The following TMOD2 variants were observed in gnomAD, a reference collection of about 807,000 sequenced individuals.
TMOD2 encodes the protein tropomodulin-2.
Under a neutral mutation model 39.9 loss-of-function variants are expected in TMOD2, and 22 were observed. The ratio of observed to expected loss-of-function variants is 0.55; its 90% CI spans 0.39 to 0.79. TMOD2 has a LOEUF of 0.79. Ranked by LOEUF, TMOD2 falls within the 30% of genes least tolerant of loss-of-function variation. The pLI, the probability that TMOD2 is intolerant of heterozygous loss-of-function variation, is 0.00. For missense variants in TMOD2, 386 were observed against 413.3 expected, an observed-to-expected ratio of 0.93 and a Z score of 0.57; for synonymous variants, 123 against 146.1, an observed-to-expected ratio of 0.84 and a Z score of 1.14.
chr15:51,792,792 C>T (rs1236416842), intron 7 of TMOD2, among the ~76,000 whole-genome samples: 2 of 152,144 alleles, frequency 1.3e-5, no homozygotes, highest in Non-Finnish European at 2.9e-5. Flanking sequence ...CATGTTCTCA[C>T]TCATAAGTGG....
chr15:51,754,521 C>G (rs2055729223), intron 1 of TMOD2, among the ~76,000 whole-genome samples: 1 of 152,168 alleles, frequency 6.6e-6, no homozygotes, highest in Admixed American at 6.5e-5. Context: ...CACGGAATCC[C>G]TTGCTGCAAA....
chr15:51,814,805 A>G lies in TMOD2; in HGVS notation c.*6351A>G, dbSNP rs943644982. On this transcript the variant is annotated 3_prime_UTR_variant, in exon 10 of 10. Transcript: ENST00000249700. ...TAAATCGTTTCCGTTGCCTCTGAAC[A>G]TGGGTGAGTAATGCCTCCACTGCAG... 1.3e-5 allele frequency: 2 copies of G among 152,194 alleles called. No individual in the cohort carries two copies. Among genetic ancestry groups the G allele is most frequent in the Non-Finnish European group, 2.9e-5 (2 of 68,052 alleles). The allele number at this position is 152,194 out of a possible 1,614,324, so 9.4% of individuals were successfully genotyped here. A position where few individuals can be genotyped will look rare whatever the true frequency, so the allele number is the denominator to read the frequency against.
At chr15:51,760,206 TAAAAC>T (rs2055771265) in intron 1 of TMOD2, among the ~76,000 whole-genome samples, 1 of 152,240 alleles carries the variant, frequency 6.6e-6, no homozygotes, top group South Asian at 2.1e-4. Context: ...TCCAGTGGCT[TAAAAC>T]AATACAAACT....
At chr15:51,790,683 T>C (rs1227331001) in intron 7 of TMOD2, among the ~76,000 whole-genome samples, 2 of 152,182 alleles carry the variant, frequency 1.3e-5, no homozygotes, top group Non-Finnish European at 1.5e-5. Context: ...ATCCCTGGGA[T>C]GCAAGGGTGG....
At chr15:51,785,050 C>T (rs1374228481) in intron 7 of TMOD2, 1 of 152,220 alleles carries the variant, frequency 6.6e-6, no homozygotes, top group Non-Finnish European at 1.5e-5. Flanking sequence ...AAGCACTACA[C>T]TAGGAGCTGG....
At chr15:51,790,357 A>G (rs184526234) in intron 7 of TMOD2, among the ~76,000 whole-genome samples, 139 of 152,306 alleles carry the variant, frequency 9.1e-4, no homozygotes, top group African/African-American at 3.2e-3. Flanking sequence ...AATTGAGGTA[A>G]TAATTAATAG....
At chr15:51,763,293 A>G (rs1314133896) in intron 1 of TMOD2, among the ~76,000 whole-genome samples, 1 of 152,210 alleles carries the variant, frequency 6.6e-6, no homozygotes, top group African/African-American at 2.4e-5. Flanking sequence ...ATTTTTGGCA[A>G]TTACAAATAA....
chr15:51,791,895 C>CA (rs1328255436), intron 7 of TMOD2, among the ~76,000 whole-genome samples: 3 of 152,076 alleles, frequency 2.0e-5, no homozygotes, highest in Non-Finnish European at 2.9e-5. Flanking sequence ...CCTAGGACCA[C>CA]AAAAATCCTA....
intron 5 of TMOD2, among the ~76,000 whole-genome samples, chr15:51,779,596 G>C (rs1298675436): frequency 1.3e-5 from 2 of 152,076 alleles, no homozygotes; most frequent in East Asian, 3.9e-4. Context: ...TGTTAGCCAG[G>C]ATGGTCTCGA....
intron 2 of TMOD2, 74 bp from the exon 3 acceptor site, chr15:51,768,188 G>A (rs1244347059): frequency 1.9e-6 from 3 of 1,542,960 alleles, no homozygotes; most frequent in East Asian, 2.3e-5. Flanking sequence ...CATAGTGAGT[G>A]GGGGTGGAAG....
chr15:51,780,457 G>A (rs1372117088), intron 5 of TMOD2, among the ~76,000 whole-genome samples: 1 of 152,058 alleles, frequency 6.6e-6, no homozygotes, highest in Non-Finnish European at 1.5e-5. Flanking sequence ...ATTTTTAATT[G>A]GGTCACCTTA....
At chr15:51,762,059 G>C (rs2055784589) in intron 1 of TMOD2, among the ~76,000 whole-genome samples, 2 of 151,604 alleles carry the variant, frequency 1.3e-5, no homozygotes, top group Admixed American at 6.6e-5. Context: ...TGAGGCAGGA[G>C]AATGGCATGA....
chr15:51,782,038 C>T (rs1461639716), intron 6 of TMOD2, among the ~76,000 whole-genome samples: 2 of 152,162 alleles, frequency 1.3e-5, no homozygotes, highest in African/African-American at 2.4e-5. Flanking sequence ...GCAGCCAGGA[C>T]TCTTCTCCAC....
intron 9 of TMOD2, 22 bp downstream of exon 9, chr15:51,806,543 C>T: frequency 6.2e-7 from 1 of 1,613,648 alleles, no homozygotes; most frequent in Non-Finnish European, 8.5e-7. Context: ...ATAATATTTG[C>T]TGTTAACAAT....
chr15:51,752,119 G>T (rs1003422898), intron 1 of TMOD2, among the ~76,000 whole-genome samples: 8 of 152,194 alleles, frequency 5.3e-5, no homozygotes, highest in South Asian at 2.1e-4. Context: ...TCCTGGAGCG[G>T]TATGCATCTC....
chr15:51,763,283 ATT>A (rs2055794237), intron 1 of TMOD2, among the ~76,000 whole-genome samples: 1 of 152,188 alleles, frequency 6.6e-6, no homozygotes, highest in Non-Finnish European at 1.5e-5. Flanking sequence ...ATTGTTTTCA[ATT>A]TTTGGCAATT....
intron 9 of TMOD2, among the ~76,000 whole-genome samples, 197 bp from the exon 10 acceptor site, chr15:51,808,223 A>C (rs2554314): frequency 0.61 from 92,820 of 151,898 alleles, 28,487 homozygotes; most frequent in South Asian, 0.69. Context: ...TCAGACATAT[A>C]TGTATTTAAA....
intron 7 of TMOD2, among the ~76,000 whole-genome samples, chr15:51,797,903 GT>G (rs534674230): frequency 1.0e-4 from 15 of 147,786 alleles, no homozygotes; most frequent in African/African-American, 3.0e-4. Context: ...AACAGTAGTG[GT>G]TTTTTTTTAA....
At chr15:51,767,144 GCCTCCCAGGTAGCTGA>G (rs1236507376) in intron 2 of TMOD2, 2 of 151,906 alleles carry the variant, frequency 1.3e-5, no homozygotes, top group African/African-American at 4.8e-5. Flanking sequence ...TCCTACCTCA[GCCTCCCAGGTAGCTGA>G]AATTATAGAC....
Sources: allele counts gnomAD v4.1 joint callset (sites outside exome capture counted in the v4.1 genomes callset), GRCh38; gene constraint gnomAD v4.1.1; transcripts MANE v1.5; gene names NCBI Gene and HGNC (gene_info 2026-07-23, HGNC 2026-07-21).